The following EPM2A variants were observed in gnomAD, a reference collection of about 807,000 sequenced individuals.
The protein encoded by EPM2A is laforin.
Under a neutral mutation model 26.5 loss-of-function variants are expected in EPM2A, and 21 were observed. The observed-to-expected ratio is 0.79, with a 90% CI of 0.56 to 1.14. The LOEUF is 1.14. Among genes scored for constraint, EPM2A ranks in the 50% most tolerant of loss-of-function variants. The pLI, the probability that EPM2A is intolerant of heterozygous loss-of-function variation, is 0.00. For missense variants in EPM2A, 458 were observed against 440.8 expected (o/e 1.04, Z -0.35); for synonymous variants, 217 against 177.6 (o/e 1.22, Z -1.76).
intron 4 of EPM2A, among the ~76,000 whole-genome samples, chr6:145,435,102 T>G (rs929101738): frequency 6.6e-6 from 1 of 152,198 alleles, no homozygotes; most frequent in African/African-American, 2.4e-5. Context: ...TTGTACAGCC[T>G]GCAGAAGCAT....
rs181497856 is a variant in EPM2A at position 145,579,583 on chromosome 6, T to C, written c.340+55662A>G. On this transcript the variant is annotated intron_variant, in intron 2 of 3. Transcript: ENST00000450221. ...TATCCGTATTTTAACTTTTAAACTA[T>C]TAGTGTCTTTCTCTTAAAAGTGCCT... 2.2e-3 allele frequency among the ~76,000 whole-genome samples: 334 copies of C among 152,322 alleles called. 3 individuals are homozygous for C. Among genetic ancestry groups the C allele is most frequent in the African/African-American group, 7.3e-3 (302 of 41,584 alleles).
At chr6:145,624,829 T>A (rs1775712911), downstream of EPM2A, among the ~76,000 whole-genome samples, 1 of 152,180 alleles carries the variant, frequency 6.6e-6, no homozygotes, top group Non-Finnish European at 1.5e-5. Context: ...CCAAGCCAAG[T>A]GATTTTTACC....
At position 145,468,019 on chromosome 6, in the gene EPM2A, T is replaced by G. The variant is rs146953865; in HGVS notation, c.555+34503A>C. Among the ~76,000 whole-genome samples the G allele has an allele frequency of 3.3e-5, 5 of 152,204 alleles. No individual in the cohort carries two copies. In the East Asian group the frequency reaches 9.6e-4, roughly 29 times the overall value. Reference sequence around the variant, plus strand: ...ATTTTATACAAAATATATGGTAGTTTAATCCATATATTTTGGATATATGCT... The same window carrying G: ...ATTTTATACAAAATATATGGTAGTTGAATCCATATATTTTGGATATATGCT... On this transcript the variant is annotated intron_variant, in intron 4 of 4. Coordinates refer to the EPM2A transcript ENST00000638717.
chr6:145,455,297 T>C (rs1397968001), intron 4 of EPM2A, among the ~76,000 whole-genome samples: 1 of 78,980 alleles, frequency 1.3e-5, no homozygotes, highest in Non-Finnish European at 2.7e-5. Flanking sequence ...AATGTAAAAA[T>C]GAAAGAAAAA....
chr6:145,485,954 A>C (rs1779666052), intron 4 of EPM2A, among the ~76,000 whole-genome samples: 1 of 152,192 alleles, frequency 6.6e-6, no homozygotes, highest in Non-Finnish European at 1.5e-5. Context: ...AACTGCCCTC[A>C]TGATTCGGTT....
chr6:145,446,044 C>T (rs375926529), intron 4 of EPM2A, among the ~76,000 whole-genome samples: 13 of 152,162 alleles, frequency 8.5e-5, no homozygotes, highest in Admixed American at 5.2e-4. Flanking sequence ...TACAAAGTTG[C>T]TCTTGTTAAC....
chr6:145,445,957 T>C (rs1779123788), intron 4 of EPM2A, among the ~76,000 whole-genome samples: 1 of 152,176 alleles, frequency 6.6e-6, no homozygotes, highest in African/African-American at 2.4e-5. Flanking sequence ...GCCTGACTCT[T>C]TGGGGATGAC....
intron 2 of EPM2A, among the ~76,000 whole-genome samples, chr6:145,648,184 G>A (rs1236931247): frequency 6.6e-6 from 1 of 152,120 alleles, no homozygotes; most frequent in Non-Finnish European, 1.5e-5. Context: ...ATAGGTGGTG[G>A]ATGGTGGCAA....
At chr6:145,471,199 C>T (rs543588171) in intron 4 of EPM2A, among the ~76,000 whole-genome samples, 68 of 152,256 alleles carry the variant, frequency 4.5e-4, no homozygotes, top group African/African-American at 1.6e-3. Flanking sequence ...ATGTTTGAAT[C>T]TATTGATTGA....
At chr6:145,542,770 G>GT (rs2114796159) in intron 2 of EPM2A, among the ~76,000 whole-genome samples, 1 of 151,958 alleles carries the variant, frequency 6.6e-6, no homozygotes, top group African/African-American at 2.4e-5. Flanking sequence ...GTTTTGTTTT[G>GT]TTTTTGAGAA....
At chr6:145,553,942 A>G (rs1442366328) in intron 2 of EPM2A, among the ~76,000 whole-genome samples, 1 of 150,786 alleles carries the variant, frequency 6.6e-6, no homozygotes, top group Non-Finnish European at 1.5e-5. Context: ...AAGTAATCTG[A>G]CTTTTAAGTA....
At chr6:145,702,283 C>T (rs1781957444) in intron 1 of EPM2A, among the ~76,000 whole-genome samples, 1 of 152,170 alleles carries the variant, frequency 6.6e-6, no homozygotes, top group African/African-American at 2.4e-5. Context: ...AGAGTGACCA[C>T]CCTCTGTCGA....
At chr6:145,393,733 G>A (rs535607865) in intron 4 of EPM2A, among the ~76,000 whole-genome samples, 78 of 152,128 alleles carry the variant, frequency 5.1e-4, no homozygotes, top group Non-Finnish European at 8.8e-4. Flanking sequence ...CTGTTCCTTA[G>A]AATCTAGGTT....
intron 2 of EPM2A, among the ~76,000 whole-genome samples, chr6:145,652,962 G>C (rs1304650547): frequency 6.6e-6 from 1 of 152,158 alleles, no homozygotes; most frequent in Admixed American, 6.5e-5. Flanking sequence ...CCCTTTCCAA[G>C]TCTTTATCTA....
intron 2 of EPM2A, among the ~76,000 whole-genome samples, chr6:145,513,301 A>C (rs905563074): frequency 2.6e-5 from 4 of 152,208 alleles, no homozygotes; most frequent in African/African-American, 9.6e-5. Flanking sequence ...CCATGAAAAA[A>C]ATGTTCAACA....
intron 1 of EPM2A, among the ~76,000 whole-genome samples, chr6:145,702,036 A>G (rs769577249): frequency 6.6e-6 from 1 of 151,988 alleles, no homozygotes; most frequent in Non-Finnish European, 1.5e-5. Context: ...AATCTCCCCA[A>G]ATCCCTCCTC....
chr6:145,454,419 G>A (rs1007565445), intron 4 of EPM2A, among the ~76,000 whole-genome samples: 2 of 151,980 alleles, frequency 1.3e-5, no homozygotes, highest in South Asian at 2.1e-4. Flanking sequence ...TAGTTATCTC[G>A]AGCTTCCATG....
At chr6:145,624,775 CA>C (rs1316242088), downstream of EPM2A, among the ~76,000 whole-genome samples, 1 of 152,212 alleles carries the variant, frequency 6.6e-6, no homozygotes, top group East Asian at 1.9e-4. Context: ...ACTTTCTTAT[CA>C]TTTCCAAAGT....
chr6:145,554,425 TAGATAGA>T (rs1450543861), intron 2 of EPM2A, among the ~76,000 whole-genome samples: 1 of 59,152 alleles, frequency 1.7e-5, no homozygotes, highest in Non-Finnish European at 3.6e-5. Context: ...AGATAGATGA[TAGATAGA>T]TAGATAGATA....
Sources: gnomAD v4.1 joint callset for allele counts (sites outside exome capture counted in the v4.1 genomes callset) on GRCh38, gnomAD v4.1.1 for gene constraint, MANE v1.5 for transcripts, NCBI Gene and HGNC (gene_info 2026-07-23, HGNC 2026-07-21) for gene names.